The following CNTN4 variants were observed in gnomAD, a reference collection of about 807,000 sequenced individuals.
The protein encoded by CNTN4 is contactin 4, also known as contactin-4.
CNTN4 carries 77 observed loss-of-function variants against 122.5 expected under a neutral mutation model. The ratio of observed to expected loss-of-function variants is 0.63; its 90% CI spans 0.52 to 0.76. CNTN4 has a LOEUF of 0.76. CNTN4 is among the 30% of genes least tolerant of loss of function. CNTN4 has a pLI of 0.00. For missense variants in CNTN4, 1,256 were observed against 1,259.1 expected (o/e 1.00, Z 0.04); for synonymous variants, 512 against 447.0 (o/e 1.15, Z -1.83).
chr3:2,907,317 A>T (rs2094246741), intron 12 of CNTN4, among the ~76,000 whole-genome samples: 1 of 152,200 alleles, frequency 6.6e-6, no homozygotes, highest in African/African-American at 2.4e-5. Context: ...TCACGCCTGT[A>T]ATCCCAGCAC....
At chr3:2,137,015 C>G (rs556734040) in intron 2 of CNTN4, among the ~76,000 whole-genome samples, 2 of 152,192 alleles carry the variant, frequency 1.3e-5, no homozygotes, top group South Asian at 4.1e-4. Flanking sequence ...TGTGACATAA[C>G]AAATTAGAAT....
intron 2 of CNTN4, among the ~76,000 whole-genome samples, chr3:2,260,450 A>G (rs775347599): frequency 2.0e-5 from 3 of 152,150 alleles, no homozygotes; most frequent in Admixed American, 6.5e-5. Context: ...CAATTTTCCA[A>G]TTCAAGGTGT....
chr3:2,303,160 A>G (rs1033519344), intron 2 of CNTN4, among the ~76,000 whole-genome samples: 4 of 152,226 alleles, frequency 2.6e-5, no homozygotes, highest in African/African-American at 7.2e-5. Flanking sequence ...TTCCTAAGAC[A>G]TAGAGCCATG....
intron 4 of CNTN4, among the ~76,000 whole-genome samples, chr3:2,699,240 T>G (rs1458943568): frequency 2.0e-5 from 3 of 152,122 alleles, no homozygotes; most frequent in Non-Finnish European, 4.4e-5. Context: ...GAGTGGAAAT[T>G]TCCACCATTG....
chr3:3,041,763 A>G (rs567106279), intron 20 of CNTN4, among the ~76,000 whole-genome samples: 6 of 152,254 alleles, frequency 3.9e-5, no homozygotes, highest in Non-Finnish European at 7.4e-5. Flanking sequence ...GGAGTTTGAG[A>G]CCAACCTGGG....
chr3:2,314,457 G>T (rs76023947), intron 2 of CNTN4, among the ~76,000 whole-genome samples: 2,493 of 151,980 alleles, frequency 0.016, 39 homozygotes, highest in Middle Eastern at 0.02. Flanking sequence ...TGTTGAGGTT[G>T]GCATTTCGGT....
chr3:2,384,075 A>G (rs1184087843), intron 3 of CNTN4, among the ~76,000 whole-genome samples: 1 of 152,098 alleles, frequency 6.6e-6, no homozygotes, highest in African/African-American at 2.4e-5. Flanking sequence ...CTGCTGGGAG[A>G]ATAAGATTAG....
chr3:2,602,680 A>G (rs2081096503), intron 4 of CNTN4, among the ~76,000 whole-genome samples: 1 of 152,182 alleles, frequency 6.6e-6, no homozygotes, highest in Non-Finnish European at 1.5e-5. Flanking sequence ...TAATTTATAG[A>G]TTCAATGTCA....
intron 4 of CNTN4, among the ~76,000 whole-genome samples, chr3:2,587,625 G>C (rs1217391726): frequency 6.6e-6 from 1 of 152,004 alleles, no homozygotes; most frequent in Non-Finnish European, 1.5e-5. Context: ...TAGATTTCTT[G>C]TACCTCCCTT....
intron 4 of CNTN4, among the ~76,000 whole-genome samples, chr3:2,581,014 C>A (rs1162358496): frequency 6.6e-6 from 1 of 152,088 alleles, no homozygotes; most frequent in Non-Finnish European, 1.5e-5. Context: ...TAAAGCTTAC[C>A]ATCTTGTAAA....
chr3:2,333,792 A>G (rs1024240916), intron 2 of CNTN4, among the ~76,000 whole-genome samples: 3 of 152,238 alleles, frequency 2.0e-5, no homozygotes, highest in African/African-American at 7.2e-5. Flanking sequence ...CCTGATGTTA[A>G]TACTAAATTA....
At chr3:2,839,349 G>C (rs1239478389) in intron 7 of CNTN4, among the ~76,000 whole-genome samples, 1 of 151,836 alleles carries the variant, frequency 6.6e-6, no homozygotes, top group African/African-American at 2.4e-5. Flanking sequence ...CAGATAAAAA[G>C]CGGGGGCAGG....
At chr3:2,669,494 T>C (rs1483464869) in intron 4 of CNTN4, among the ~76,000 whole-genome samples, 2 of 152,236 alleles carry the variant, frequency 1.3e-5, no homozygotes, top group Non-Finnish European at 2.9e-5. Context: ...TCTTCTTTAT[T>C]AGTCTTGCTA....
At chr3:2,491,046 A>T (rs2076302345) in intron 3 of CNTN4, among the ~76,000 whole-genome samples, 1 of 152,210 alleles carries the variant, frequency 6.6e-6, no homozygotes, top group Non-Finnish European at 1.5e-5. Context: ...AGGAGGGTAG[A>T]ATCTTCTACA....
rs891541775 is a variant in CNTN4 at position 2,709,063 on chromosome 3, C to A, written c.56-27152C>A. 2.4e-4 allele frequency among the ~76,000 whole-genome samples: 36 copies of A among 152,040 alleles called. No homozygotes were observed. Among genetic ancestry groups the A allele is most frequent in the African/African-American group, 8.0e-4 (33 of 41,384 alleles). On this transcript the variant is annotated intron_variant, in intron 4 of 24. Transcript: ENST00000418658. The surrounding 1 kb of genome is among the most constrained non-coding windows in gnomAD (Gnocchi z 5.0). ...TTCTCAGATATCTCATAGACCATCC[C>A]CCCTCTGCTGCCACTGAATTTCATT...
In CNTN4 at chr3:2,781,785, C is replaced by T. The variant is rs910938447; in HGVS notation, c.358+36088C>T. Among the ~76,000 whole-genome samples the T allele has an allele frequency of 6.0e-4, 76 of 126,604 alleles. 3 individuals are homozygous for T. The highest frequency in any genetic ancestry group is 4.5e-3 in the Middle Eastern group (1 of 224). 83.1% of individuals were successfully genotyped at this position (126,604 alleles called of 152,430 possible). Reference sequence around the variant, plus strand: ...TGTCGCCCAGGCTGGAGGGCAGTAGCGCGATCTCTGCTCACTGCAACCTCC... The same window carrying T: ...TGTCGCCCAGGCTGGAGGGCAGTAGTGCGATCTCTGCTCACTGCAACCTCC... On this transcript the variant is annotated intron_variant, in intron 6 of 24. Coordinates refer to ENST00000418658, the MANE Select transcript of CNTN4 (RefSeq NM_175607.3).
At chr3:2,360,705 G>A (rs1235274808) in intron 3 of CNTN4, among the ~76,000 whole-genome samples, 2 of 152,114 alleles carry the variant, frequency 1.3e-5, no homozygotes, top group African/African-American at 4.8e-5. Flanking sequence ...AAAGGGGGAA[G>A]AGCCCCTTAT....
intron 13 of CNTN4, among the ~76,000 whole-genome samples, chr3:2,946,736 C>G (rs928114169): frequency 5.2e-5 from 7 of 133,566 alleles, no homozygotes; most frequent in Non-Finnish European, 1.1e-4. Flanking sequence ...CAGAGTCTCA[C>G]TGTGTCACCC....
intron 13 of CNTN4, among the ~76,000 whole-genome samples, chr3:2,978,605 T>C (rs1230602759): frequency 6.6e-6 from 1 of 152,220 alleles, no homozygotes; most frequent in Non-Finnish European, 1.5e-5. Context: ...TTTAATTGTG[T>C]AGAAAAAGCA....
Sources: allele counts gnomAD v4.1 joint callset (sites outside exome capture counted in the v4.1 genomes callset), GRCh38; gene constraint gnomAD v4.1.1; non-coding constraint Gnocchi (gnomAD v3.1); transcripts MANE v1.5; gene names NCBI Gene and HGNC (gene_info 2026-07-23, HGNC 2026-07-21).